PLCG2: variants seen among roughly 807,000 people sequenced by gnomAD.
PLCG2 encodes phospholipase C gamma 2, also known as 1-phosphatidylinositol 4,5-bisphosphate phosphodiesterase gamma-2.
Under a neutral mutation model 175.6 loss-of-function variants are expected in PLCG2, and 69 were observed. The observed-to-expected ratio is 0.39, with a 90% confidence interval of 0.32 to 0.48. The LOEUF (loss-of-function observed/expected upper bound fraction) is 0.48, where lower values mean the gene tolerates loss of function less well. Among genes scored for constraint, PLCG2 ranks in the 20% least tolerant of loss-of-function variants. The probability of loss-of-function intolerance (pLI) is 0.91; values close to 1 mark genes in which losing one functional copy is unlikely to be tolerated. For synonymous variants in PLCG2, 827 were observed against 624.0 expected (o/e 1.33, Z -4.85); for missense variants, 1,798 against 1,650.9 (o/e 1.09, Z -1.54).
intron 2 of PLCG2, among the ~76,000 whole-genome samples, chr16:81,801,443 G>A (rs1911712625): frequency 6.6e-6 from 1 of 152,110 alleles, no homozygotes; most frequent in Non-Finnish European, 1.5e-5. Flanking sequence ...ACCTTGTGAA[G>A]ATTTTCCATG....
At chr16:81,871,412 C>G (rs150647112) in intron 7 of PLCG2, among the ~76,000 whole-genome samples, 1 of 152,274 alleles carries the variant, frequency 6.6e-6, no homozygotes, top group Non-Finnish European at 1.5e-5. Flanking sequence ...GATCTTGGTT[C>G]ACTGCAACCT....
chr16:81,811,429 G>C (rs9806965), intron 2 of PLCG2, among the ~76,000 whole-genome samples: 133,268 of 152,108 alleles, frequency 0.88, 58,472 homozygotes, highest in East Asian at 1. Context: ...GAAGATGATG[G>C]ATTCCCTAGG....
intron 2 of PLCG2, among the ~76,000 whole-genome samples, chr16:81,841,840 C>T (rs1419778535): frequency 6.6e-6 from 1 of 152,208 alleles, no homozygotes; most frequent in Admixed American, 6.5e-5. Flanking sequence ...AGTAACCTAA[C>T]ACCTTTGGTT....
intron 2 of PLCG2, chr16:81,767,595 AT>A (rs1910181928): frequency 6.6e-6 from 1 of 152,186 alleles, no homozygotes; most frequent in South Asian, 2.1e-4. Context: ...TCTTTAAAAA[AT>A]ATTATTTGCA....
chr16:81,829,212 G>T (rs1905163699), intron 2 of PLCG2, among the ~76,000 whole-genome samples: 1 of 152,130 alleles, frequency 6.6e-6, no homozygotes, highest in Non-Finnish European at 1.5e-5. Flanking sequence ...GGGTTCAAGC[G>T]ATTCTCCTGC....
chr16:81,808,309 C>A (rs576143872), intron 2 of PLCG2, among the ~76,000 whole-genome samples: 1 of 152,034 alleles, frequency 6.6e-6, no homozygotes, highest in Admixed American at 6.5e-5. Context: ...AAACCCCTCC[C>A]CTTAAGTTCC....
intron 2 of PLCG2, among the ~76,000 whole-genome samples, chr16:81,789,340 G>A (rs1448735973): frequency 1.3e-5 from 2 of 152,234 alleles, no homozygotes; most frequent in Non-Finnish European, 2.9e-5. Context: ...GCCCAGGCTA[G>A]AGAGCAATGG....
chr16:81,796,705 C>T (rs1424719537), intron 2 of PLCG2, among the ~76,000 whole-genome samples: 1 of 152,124 alleles, frequency 6.6e-6, no homozygotes, highest in Admixed American at 6.5e-5. Context: ...GAGAGAGACA[C>T]AGGGAGAGAA....
chr16:81,882,430 A>C (rs1217615016), intron 8 of PLCG2, among the ~76,000 whole-genome samples: 9 of 152,002 alleles, frequency 5.9e-5, no homozygotes, highest in Non-Finnish European at 1.3e-4. Flanking sequence ...ACTCCAGAGC[A>C]CTCAATGACC....
intron 2 of PLCG2, among the ~76,000 whole-genome samples, chr16:81,811,615 T>G (rs576303811): frequency 3.9e-5 from 6 of 152,114 alleles, no homozygotes; most frequent in African/African-American, 1.4e-4. Context: ...TAAGAAAATG[T>G]GGTGTTTGGT....
intron 26 of PLCG2, 151 bp from the exon 27 acceptor site, chr16:81,936,018 A>C (rs116793333): frequency 6.9e-7 from 1 of 1,448,406 alleles, no homozygotes; most frequent in Admixed American, 2.6e-5. Context: ...AGTGATACCA[A>C]TTGGGACAAT....
At chr16:81,915,382 G>T (rs1456432000) in intron 19 of PLCG2, among the ~76,000 whole-genome samples, 1 of 152,206 alleles carries the variant, frequency 6.6e-6, no homozygotes, top group Non-Finnish European at 1.5e-5. Context: ...CACAAAGGAA[G>T]TGTTGAGTTG....
At chr16:81,793,654 T>C (rs1306314168) in intron 2 of PLCG2, among the ~76,000 whole-genome samples, 1 of 152,318 alleles carries the variant, frequency 6.6e-6, no homozygotes. Flanking sequence ...TGGTATTAGG[T>C]TCTTGGGGTT....
intron 2 of PLCG2, among the ~76,000 whole-genome samples, chr16:81,821,855 C>A (rs1187407960): frequency 6.6e-6 from 1 of 151,860 alleles, no homozygotes; most frequent in East Asian, 1.9e-4. Context: ...CAAATAATCT[C>A]AGACAGATCC....
intron 2 of PLCG2, among the ~76,000 whole-genome samples, chr16:81,835,949 C>G (rs531025460): frequency 1.3e-5 from 2 of 152,094 alleles, no homozygotes; most frequent in African/African-American, 4.8e-5. Context: ...TGGGTTAGGA[C>G]CCACCCTAAT....
intron 25 of PLCG2, among the ~76,000 whole-genome samples, chr16:81,932,324 A>T (rs780634346): frequency 3.9e-4 from 60 of 152,326 alleles, no homozygotes; most frequent in African/African-American, 1.4e-3. Flanking sequence ...CAAAATGAGG[A>T]GCCAAATTCC....
chr16:81,960,395 T>C lies in PLCG2; in HGVS notation c.*2397T>C, dbSNP rs1261334442. The C allele has an allele frequency of 9.0e-6, 2 of 223,032 alleles. No homozygotes were observed. The highest frequency in any genetic ancestry group is 1.3e-4 in the East Asian group (2 of 15,288). The allele number at this position is 223,032 out of a possible 1,614,324, so 13.8% of individuals were successfully genotyped here. A position where few individuals can be genotyped will look rare whatever the true frequency, so the allele number is the denominator to read the frequency against. On this transcript the variant is annotated 3_prime_UTR_variant, in exon 33 of 33. Transcript: ENST00000564138. ...TTCTGAAAGATGGAAGCAGCACTGA[T>C]AGATCAAAACCACCACTGCATATGT...
At chr16:81,883,446 C>A in intron 9 of PLCG2, 105 bp downstream of exon 9, 1 of 853,738 alleles carries the variant, frequency 1.2e-6, no homozygotes, top group Non-Finnish European at 1.9e-6. Flanking sequence ...CTGTGCTCAC[C>A]TGGCCACCTG....
At position 81,743,306 on chromosome 16, in the gene PLCG2, G is replaced by A. The variant is rs72831178; in HGVS notation, c.-145+3921G>A. On this transcript the variant is annotated intron_variant, in intron 1 of 5. Transcript: ENST00000565054. ...GTTGAGGCTGCAGTGAGCCACAGTA[G>A]CACCACGGCCTTCCAGTCTGGATGA... Among the ~76,000 whole-genome samples the A allele has an allele frequency of 4.2e-3, 644 of 152,332 alleles. 2 individuals are homozygous for A. Among genetic ancestry groups the A allele is most frequent in the Middle Eastern group, 6.8e-3 (2 of 294 alleles).
Sources: gnomAD v4.1 joint callset for allele counts (sites outside exome capture counted in the v4.1 genomes callset) on GRCh38, gnomAD v4.1.1 for gene constraint, MANE v1.5 for transcripts, NCBI Gene and HGNC (gene_info 2026-07-23, HGNC 2026-07-21) for gene names.